The following ZC2HC1B variants were observed in gnomAD, a reference collection of about 807,000 sequenced individuals.
The protein encoded by ZC2HC1B is zinc finger C2HC domain-containing protein 1B.
A neutral mutation model predicts 31.0 loss-of-function variants in ZC2HC1B; 36 were observed. The ratio of observed to expected loss-of-function variants is 1.16; its 90% CI spans 0.89 to 1.54. The LOEUF (loss-of-function observed/expected upper bound fraction) is 1.54, where lower values mean the gene tolerates loss of function less well. Ranked by LOEUF, ZC2HC1B falls within the 40% of genes most tolerant of loss-of-function variation. ZC2HC1B has a pLI of 0.00. For synonymous variants in ZC2HC1B, 73 were observed against 88.0 expected, an observed-to-expected ratio of 0.83 and a Z score of 0.95; for missense variants, 260 against 268.6, an observed-to-expected ratio of 0.97 and a Z score of 0.22.
At chr6:143,889,357 A>C (rs909237086) in intron 4 of ZC2HC1B, among the ~76,000 whole-genome samples, 1 of 152,126 alleles carries the variant, frequency 6.6e-6, no homozygotes, top group Non-Finnish European at 1.5e-5. Flanking sequence ...AACCATATGC[A>C]TAATTGCATA....
chr6:143,889,685 A>G (rs1777574239), intron 4 of ZC2HC1B, among the ~76,000 whole-genome samples: 1 of 152,130 alleles, frequency 6.6e-6, no homozygotes, highest in Non-Finnish European at 1.5e-5. Context: ...ACAAAACTGG[A>G]AGGAGAAGTA....
intron 6 of ZC2HC1B, among the ~76,000 whole-genome samples, chr6:143,929,192 C>G (rs1320447399): frequency 6.6e-6 from 1 of 152,088 alleles, no homozygotes; most frequent in African/African-American, 2.4e-5. Context: ...ATTCTTTCAA[C>G]TTTTTCCCAG....
At chr6:143,919,217 CTGTG>C (rs71024878) in intron 6 of ZC2HC1B, among the ~76,000 whole-genome samples, 34,316 of 123,110 alleles carry the variant, frequency 0.28, 4,138 homozygotes, top group Non-Finnish European at 0.32. Context: ...TTGCTATTCT[CTGTG>C]TGTGTGTGTG....
chr6:143,887,988 A>G lies in ZC2HC1B; in HGVS notation c.349+1167A>G, dbSNP rs1777551096. Among the ~76,000 whole-genome samples, 1 of 151,942 alleles carries G rather than the reference A, an allele frequency of 6.6e-6. No homozygotes were observed. Among genetic ancestry groups the G allele is most frequent in the African/African-American group, 2.4e-5 (1 of 41,390 alleles). ...TTGATGTCATATCCAGAAATTAATC[A>G]CCAAACCTACATCATGAAACTTGCC... On this transcript the variant is annotated intron_variant, in intron 4 of 7. Coordinates refer to ENST00000237275, the MANE Select transcript of ZC2HC1B (RefSeq NM_001013623.3). The surrounding 1 kb of genome is among the most constrained non-coding windows in gnomAD (Gnocchi z 5.1).
Position 143,886,904 on chromosome 6 carries a change from A to T in ZC2HC1B, c.349+83A>T, listed in dbSNP as rs1003162802. ...ATGCCCTCTATGCACTCTGAAATTG[A>T]CAATAACAATTACATAGAAGTAATT... is the stretch of plus-strand genomic sequence containing the variant. On this transcript the variant is annotated intron_variant, in intron 4 of 7. Transcript: ENST00000237275. The surrounding 1 kb of genome is among the most constrained non-coding windows in gnomAD (Gnocchi z 4.2). The T allele has an allele frequency of 2.5e-6, 3 of 1,204,758 alleles. No homozygotes were observed. The African/African-American group carries it at 4.8e-5, about 19-fold the overall frequency. The allele number at this position is 1,204,758 out of a possible 1,614,324, so 74.6% of individuals were successfully genotyped here. A position where few individuals can be genotyped will look rare whatever the true frequency, so the allele number is the denominator to read the frequency against.
intron 1 of ZC2HC1B, chr6:143,881,926 A>T (rs771891725): frequency 4.6e-5 from 7 of 152,154 alleles, no homozygotes; most frequent in Admixed American, 3.9e-4. Flanking sequence ...ACTGATTTCA[A>T]CCAGAGGTCA....
chr6:143,928,126 T>C (rs1778072656), intron 6 of ZC2HC1B, among the ~76,000 whole-genome samples: 1 of 152,232 alleles, frequency 6.6e-6, no homozygotes, highest in Non-Finnish European at 1.5e-5. Flanking sequence ...ATTTGTTTAA[T>C]TAAGTCCCAT....
At chr6:143,889,197 G>A (rs1777567736) in intron 4 of ZC2HC1B, among the ~76,000 whole-genome samples, 2 of 151,872 alleles carry the variant, frequency 1.3e-5, no homozygotes, top group East Asian at 1.9e-4. Context: ...GTAAACTCTA[G>A]AGTAACCACT....
chr6:143,873,188 T>G (rs1452084905), intron 1 of ZC2HC1B, among the ~76,000 whole-genome samples: 1 of 152,206 alleles, frequency 6.6e-6, no homozygotes, highest in Non-Finnish European at 1.5e-5. Flanking sequence ...CATGCAAATG[T>G]GAAATCCAGC....
rs1777299244 is a variant in ZC2HC1B at position 143,868,605 on chromosome 6, C to T, written c.28+4038C>T. ...TCCTCTGGTAACACCCTCTCAGACA[C>T]ACCCAGGATCAATAACTTTGCATCC... On this transcript the variant is annotated intron_variant, in intron 1 of 7. Coordinates refer to ENST00000237275, the MANE Select transcript of ZC2HC1B (RefSeq NM_001013623.3). The surrounding 1 kb of genome is among the most constrained non-coding windows in gnomAD (Gnocchi z 4.2). Among the ~76,000 whole-genome samples the T allele has an allele frequency of 6.6e-6, 1 of 152,210 alleles. No individual in the cohort carries two copies. The highest frequency in any genetic ancestry group is 2.4e-5 in the African/African-American group (1 of 41,444).
chr6:143,902,356 G>T (rs1777747233), intron 5 of ZC2HC1B, among the ~76,000 whole-genome samples: 1 of 152,044 alleles, frequency 6.6e-6, no homozygotes. Context: ...ACCAATATAG[G>T]CCTCTAAAAA....
At chr6:143,909,101 C>T (rs1777829589) in intron 6 of ZC2HC1B, among the ~76,000 whole-genome samples, 1 of 152,184 alleles carries the variant, frequency 6.6e-6, no homozygotes, top group Non-Finnish European at 1.5e-5. Context: ...ACCAACCTTG[C>T]ATCTCAGGGA....
chr6:143,896,584 T>C (rs1010370280), intron 4 of ZC2HC1B, among the ~76,000 whole-genome samples: 1 of 152,218 alleles, frequency 6.6e-6, no homozygotes, highest in Non-Finnish European at 1.5e-5. Context: ...TGTTTCCTTA[T>C]AGCAATAGCT....
At chr6:143,930,574 A>G (rs977292143) in intron 6 of ZC2HC1B, among the ~76,000 whole-genome samples, 1 of 151,824 alleles carries the variant, frequency 6.6e-6, no homozygotes, top group African/African-American at 2.4e-5. Flanking sequence ...TATTTTTAGT[A>G]GAGACGGGAT....
intron 1 of ZC2HC1B, 31 bp downstream of exon 1, chr6:143,864,598 A>G: frequency 6.4e-7 from 1 of 1,551,142 alleles, no homozygotes. Flanking sequence ...AAATTATTAG[A>G]AAATGCCTTC....
chr6:143,931,861 C>CTTTTTTTTTTTTTTTTTTTTTTT (rs749880367), intron 6 of ZC2HC1B, among the ~76,000 whole-genome samples: 1 of 81,500 alleles, frequency 1.2e-5, no homozygotes. Context: ...TCTTCTTCTT[C>CTTTTTTTTTTTTTTTTTTTTTTT]TTCTTTTTTT....
chr6:143,927,280 T>G (rs1219602593), intron 6 of ZC2HC1B, among the ~76,000 whole-genome samples: 1 of 152,110 alleles, frequency 6.6e-6, no homozygotes, highest in Non-Finnish European at 1.5e-5. Flanking sequence ...CATTAGGTAA[T>G]TTTTCATCCC....
rs1291895322 is a variant in ZC2HC1B at position 143,908,264 on chromosome 6, G to A, written c.598+5112G>A. 1.4e-5 allele frequency among the ~76,000 whole-genome samples: 2 copies of A among 147,984 alleles called. No individual in the cohort carries two copies. The highest frequency in any genetic ancestry group is 3.0e-5 in the Non-Finnish European group (2 of 67,352). The stretch of plus-strand genomic sequence containing the variant: ...GGATTGTCTTGACTATTTGGGCTCT[G>A]TTTTGATTTCATATGAATTTTAAAA... On this transcript the variant is annotated intron_variant, in intron 6 of 7. Transcript: ENST00000237275. The surrounding 1 kb of genome is among the most constrained non-coding windows in gnomAD (Gnocchi z 4.4).
rs138372531 is a variant in ZC2HC1B, at chr6:143,922,162, C to T, written c.599-15487C>T. Among the ~76,000 whole-genome samples, 169 of 152,212 alleles carry T rather than the reference C, an allele frequency of 1.1e-3. 2 individuals carry two copies. The highest frequency in any genetic ancestry group is 3.7e-3 in the African/African-American group (153 of 41,528). The stretch of plus-strand genomic sequence containing the variant: ...AGATTTCCTTCGTTCTGTTCTGATA[C>T]TAGTCTACTTGTAATATGTGGTCTT... On this transcript the variant is annotated intron_variant, in intron 6 of 7. Transcript: ENST00000237275. The surrounding 1 kb of genome is among the most constrained non-coding windows in gnomAD (Gnocchi z 5.0).
Sources: allele counts gnomAD v4.1 joint callset (sites outside exome capture counted in the v4.1 genomes callset), GRCh38; gene constraint gnomAD v4.1.1; non-coding constraint Gnocchi (gnomAD v3.1); transcripts MANE v1.5; gene names NCBI Gene and HGNC (gene_info 2026-07-23, HGNC 2026-07-21).